NME8: variants seen among roughly 807,000 people sequenced by gnomAD.
The protein encoded by NME8 is protein NME8.
In NME8, 72 loss-of-function variants were observed where a neutral mutation model predicts 82.3. That is an observed-to-expected ratio of 0.87 (90% CI 0.72 to 1.06). The LOEUF (loss-of-function observed/expected upper bound fraction) is 1.06. Among genes scored for constraint, NME8 ranks in the 50% least tolerant of loss-of-function variants. The pLI is 0.00. For synonymous variants in NME8, 267 were observed against 228.5 expected (o/e 1.17, Z -1.52); for missense variants, 712 against 685.4 (o/e 1.04, Z -0.43).
intron 5 of NME8, among the ~76,000 whole-genome samples, chr7:37,853,869 A>G (rs1419867740): frequency 3.3e-5 from 5 of 151,486 alleles, no homozygotes; most frequent in Non-Finnish European, 7.4e-5. Context: ...AATATTTTAT[A>G]TATATAGAGA....
chr7:37,885,274 ACTAT>A (rs1404898462), intron 14 of NME8, 22 bp downstream of exon 14: 1 of 1,487,698 alleles, frequency 6.7e-7, no homozygotes, highest in South Asian at 1.1e-5. Flanking sequence ...ACCATGGGTC[ACTAT>A]CTGTTTTCGT....
intron 9 of NME8, among the ~76,000 whole-genome samples, chr7:37,864,961 T>C (rs1784655860): frequency 6.6e-6 from 1 of 152,166 alleles, no homozygotes; most frequent in Non-Finnish European, 1.5e-5. Flanking sequence ...TCCCACTGGA[T>C]TCCTCCCACA....
intron 15 of NME8, 146 bp from the exon 16 acceptor site, chr7:37,894,320 A>C (rs1785182394): frequency 1.6e-5 from 13 of 807,614 alleles, no homozygotes; most frequent in Non-Finnish European, 2.6e-5. Flanking sequence ...GGTGCTTTGG[A>C]ATTTTAATTT....
At chr7:37,864,326 C>G in intron 8 of NME8, 22 bp from the exon 9 acceptor site, 3 of 1,587,940 alleles carry the variant, frequency 1.9e-6, no homozygotes, top group East Asian at 4.5e-5. Context: ...GAAATTCTGT[C>G]TTTTTCTAAA....
At chr7:37,859,311 C>A (rs1305416362) in intron 6 of NME8, among the ~76,000 whole-genome samples, 1 of 152,158 alleles carries the variant, frequency 6.6e-6, no homozygotes, top group Non-Finnish European at 1.5e-5. Flanking sequence ...TTTCATCCAT[C>A]CTTCTAATGC....
chr7:37,880,078 G>GT (rs945871313), intron 12 of NME8, among the ~76,000 whole-genome samples: 6 of 134,358 alleles, frequency 4.5e-5, no homozygotes, highest in Admixed American at 2.2e-4. Flanking sequence ...GAGTAGAAAG[G>GT]TTTTTTTTGT....
chr7:37,897,607 T>C (rs1410755445), intron 17 of NME8, among the ~76,000 whole-genome samples: 1 of 152,100 alleles, frequency 6.6e-6, no homozygotes, highest in Non-Finnish European at 1.5e-5. Flanking sequence ...TGCATAGGTA[T>C]ATGTGTGCCA....
chr7:37,888,526 A>C, intron 15 of NME8, 98 bp downstream of exon 15: 1 of 1,209,996 alleles, frequency 8.3e-7, no homozygotes, highest in Non-Finnish European at 1.2e-6. Flanking sequence ...GGAAACAGAA[A>C]ATTCCAAAAA....
chr7:37,865,776 T>C (rs1000263236), intron 10 of NME8, among the ~76,000 whole-genome samples, 159 bp downstream of exon 10: 2 of 152,166 alleles, frequency 1.3e-5, no homozygotes, highest in African/African-American at 2.4e-5. Context: ...ATGCCAATGA[T>C]AGTGGCTCTG....
intron 13 of NME8, 147 bp from the exon 14 acceptor site, chr7:37,884,998 G>GA (rs967177080): frequency 2.5e-5 from 16 of 649,562 alleles, no homozygotes; most frequent in Admixed American, 1.2e-4. Flanking sequence ...CATATCAACG[G>GA]AAAAAAATCA....
At chr7:37,868,691 T>C (rs1244878383) in intron 11 of NME8, among the ~76,000 whole-genome samples, 1 of 152,100 alleles carries the variant, frequency 6.6e-6, no homozygotes, top group Non-Finnish European at 1.5e-5. Context: ...ATTGGAACCA[T>C]GTATAATCCC....
At chr7:37,898,914 A>G (rs1450728691) in intron 17 of NME8, among the ~76,000 whole-genome samples, 1 of 152,210 alleles carries the variant, frequency 6.6e-6, no homozygotes, top group Non-Finnish European at 1.5e-5. Context: ...AGTAACAAAA[A>G]TAGTGAAATA....
intron 11 of NME8, among the ~76,000 whole-genome samples, chr7:37,868,808 AT>A (rs1784728757): frequency 6.6e-6 from 1 of 152,208 alleles, no homozygotes; most frequent in Admixed American, 6.5e-5. Context: ...GTGGTTACAA[AT>A]TACTGAGAAC....
At chr7:37,862,489 C>T (rs956124781) in intron 7 of NME8, among the ~76,000 whole-genome samples, 5 of 151,986 alleles carry the variant, frequency 3.3e-5, no homozygotes, top group African/African-American at 7.3e-5. Context: ...CCTTCTGGTA[C>T]TTTGCTCTTT....
rs746118536 is a variant in NME8 at position 37,863,350 on chromosome 7, T to TTAAA, written c.388-45_388-42dup. The TTAAA allele has an allele frequency of 7.8e-6, 9 of 1,160,172 alleles. No homozygotes were observed. The African/African-American group carries it at 1.4e-4, about 18-fold the overall frequency. The allele number at this position is 1,160,172 out of a possible 1,614,324, so 71.9% of individuals were successfully genotyped here. On this transcript the variant is annotated intron_variant, in intron 7 of 17. Coordinates refer to ENST00000199447, the MANE Select transcript of NME8 (RefSeq NM_016616.5). ...TTCTAAAAACCCACTCACTATCATATTAAAACATAACTGTGTTATCTTTGC... is the reference window on the plus strand; with the variant it reads ...TTCTAAAAACCCACTCACTATCATATTAAATAAAACATAACTGTGTTATCTTTGC...
At chr7:37,849,308 G>A (rs768787129) in intron 2 of NME8, among the ~76,000 whole-genome samples, 14 of 152,110 alleles carry the variant, frequency 9.2e-5, no homozygotes, top group Non-Finnish European at 1.6e-4. Context: ...AGATCCACGG[G>A]CATGTTCATT....
chr7:37,857,406 A>T, intron 6 of NME8, 61 bp downstream of exon 6: 1 of 1,071,866 alleles, frequency 9.3e-7, no homozygotes, highest in Non-Finnish European at 1.4e-6. Flanking sequence ...AAGAACAAGT[A>T]ACATTGTAAA....
At chr7:37,862,225 G>T in intron 7 of NME8, 81 bp downstream of exon 7, 1 of 903,836 alleles carries the variant, frequency 1.1e-6, no homozygotes, top group East Asian at 2.4e-5. Flanking sequence ...ACTGGTGCTA[G>T]GTACCTCTAA....
chr7:37,862,640 G>A (rs6952788), intron 7 of NME8, among the ~76,000 whole-genome samples: 6,167 of 53,438 alleles, frequency 0.12, 435 homozygotes, highest in African/African-American at 0.3. Context: ...ATTGGTTTGA[G>A]AAATATTTTT....
Sources: allele counts gnomAD v4.1 joint callset (sites outside exome capture counted in the v4.1 genomes callset), GRCh38; gene constraint gnomAD v4.1.1; transcripts MANE v1.5; gene names NCBI Gene and HGNC (gene_info 2026-07-23, HGNC 2026-07-21).